The following RFX7 variants were observed in gnomAD, a reference collection of about 807,000 sequenced individuals.
The protein encoded by RFX7 is regulatory factor X7, also known as DNA-binding protein RFX7.
In RFX7, 26 loss-of-function variants were observed where a neutral mutation model predicts 111.8. The ratio of observed to expected loss-of-function variants is 0.23; its 90% CI spans 0.17 to 0.32. The LOEUF (loss-of-function observed/expected upper bound fraction) is 0.32, where lower values mean the gene tolerates loss of function less well. Among genes scored for constraint, RFX7 ranks in the 10% least tolerant of loss-of-function variants. The pLI is 1.00. For synonymous variants in RFX7, 624 were observed against 624.4 expected, an observed-to-expected ratio of 1.00 and a Z score of 0.01; for missense variants, 1,573 against 1,772.9, an observed-to-expected ratio of 0.89 and a Z score of 2.02.
chr15:56,136,917 A>T (rs1442916723), intron 5 of RFX7, among the ~76,000 whole-genome samples: 1 of 147,248 alleles, frequency 6.8e-6, no homozygotes, highest in African/African-American at 2.5e-5. Context: ...GCTGGATTAC[A>T]TTTATTGATT....
At chr15:56,179,546 G>T (rs564640332) in intron 2 of RFX7, among the ~76,000 whole-genome samples, 5 of 151,976 alleles carry the variant, frequency 3.3e-5, no homozygotes, top group African/African-American at 1.2e-4. Flanking sequence ...AGTTTATTTT[G>T]AATAAACAAT....
intron 5 of RFX7, among the ~76,000 whole-genome samples, chr15:56,140,504 G>A (rs1298463172): frequency 6.6e-6 from 1 of 152,204 alleles, no homozygotes; most frequent in African/African-American, 2.4e-5. Flanking sequence ...CCACTGACCT[G>A]CGCCCACTGT....
At chr15:56,228,987 A>C (rs187368514) in intron 2 of RFX7, among the ~76,000 whole-genome samples, 89 of 152,364 alleles carry the variant, frequency 5.8e-4, no homozygotes, top group African/African-American at 2.0e-3. Flanking sequence ...TAGTAAAATA[A>C]GGGTTACTTG....
At chr15:56,183,473 T>C (rs1445288827) in intron 2 of RFX7, among the ~76,000 whole-genome samples, 1 of 152,182 alleles carries the variant, frequency 6.6e-6, no homozygotes, top group Non-Finnish European at 1.5e-5. Flanking sequence ...ATACAGTATA[T>C]ACTACTTCCA....
rs753456670 is a variant in RFX7, at chr15:56,243,203, A to G, written c.83T>C (p.Val28Ala). Residue 28 changes from valine to alanine, a missense_variant, in exon 2 of 10, where the codon GTG becomes GCG. Transcript: ENST00000559447. ...CCCGGGCACAAGGGCTGGCAGGGCC[A>G]CCCCCGAGTTGGGGGCGCTGGGGGG... is the stretch of plus-strand genomic sequence containing the variant. ...QLPPSAPNSGVALPALVPGLP... is the reference protein window; with the variant it reads ...QLPPSAPNSGAALPALVPGLP... The G allele has an allele frequency of 1.5e-6, 2 of 1,326,014 alleles. 1 individual carries two copies. The highest frequency in any genetic ancestry group is 2.4e-5 in the South Asian group (2 of 83,084). 82.1% of individuals were successfully genotyped at this position (1,326,014 alleles called of 1,614,324 possible).
intron 2 of RFX7, among the ~76,000 whole-genome samples, chr15:56,241,320 A>T (rs973392500): frequency 2.6e-5 from 4 of 152,122 alleles, no homozygotes; most frequent in Admixed American, 2.6e-4. Flanking sequence ...CAAAAAGTGC[A>T]CTCGACTATC....
rs62044112 is a variant in RFX7 at position 56,152,023 on chromosome 15, C to T, written c.196-7540G>A. 1.1e-4 allele frequency among the ~76,000 whole-genome samples: 17 copies of T among 152,218 alleles called. No homozygotes were observed. In the South Asian group the frequency reaches 1.5e-3, roughly 13 times the overall value. ...AAGAGCTAACTATCCTAAATATATA[C>T]GCAGCCAATACAGGAGCACCCAGAT... On this transcript the variant is annotated intron_variant, in intron 3 of 9. Transcript: ENST00000559447.
chr15:56,142,016 G>A (rs1222641911), intron 5 of RFX7, among the ~76,000 whole-genome samples: 18 of 151,986 alleles, frequency 1.2e-4, no homozygotes, highest in Admixed American at 1.2e-3. Context: ...GTTAGCAATA[G>A]CACTTATTTG....
At chr15:56,231,593 T>C (rs1331735001) in intron 2 of RFX7, among the ~76,000 whole-genome samples, 1 of 152,080 alleles carries the variant, frequency 6.6e-6, no homozygotes, top group East Asian at 1.9e-4. Context: ...TAAGATAAGA[T>C]TTGGGTGGGG....
chr15:56,216,376 G>T (rs2043362909), intron 2 of RFX7, among the ~76,000 whole-genome samples: 1 of 152,134 alleles, frequency 6.6e-6, no homozygotes, highest in Non-Finnish European at 1.5e-5. Context: ...AGTATTCTTA[G>T]AATGCATCCA....
At chr15:56,126,791 A>G (rs1442407628) in intron 5 of RFX7, among the ~76,000 whole-genome samples, 7 of 152,212 alleles carry the variant, frequency 4.6e-5, no homozygotes, top group African/African-American at 1.7e-4. Context: ...GTTACCAAAG[A>G]TATTAAGATG....
chr15:56,217,662 G>A (rs2043376617), intron 2 of RFX7, among the ~76,000 whole-genome samples: 1 of 152,140 alleles, frequency 6.6e-6, no homozygotes, highest in East Asian at 1.9e-4. Context: ...CATACAACTT[G>A]AGTACTAGTT....
intron 2 of RFX7, among the ~76,000 whole-genome samples, chr15:56,216,046 T>G (rs1032804200): frequency 6.6e-6 from 1 of 152,172 alleles, no homozygotes; most frequent in Non-Finnish European, 1.5e-5. Flanking sequence ...ATGAACTATG[T>G]TCTGAAGTCC....
rs74017496 is a variant in RFX7 at position 56,242,047 on chromosome 15, C to A, written c.161+1078G>T. 5.4e-3 allele frequency among the ~76,000 whole-genome samples: 823 copies of A among 152,210 alleles called. 14 individuals are homozygous for A. Among genetic ancestry groups the A allele is most frequent in the African/African-American group, 0.019 (801 of 41,530 alleles). On this transcript the variant is annotated intron_variant, in intron 2 of 9. Coordinates refer to ENST00000559447, the MANE Select transcript of RFX7 (RefSeq NM_022841.7). Reference sequence around the variant, plus strand: ...TGTTCATGCAACGCCAGTTGCTTTACGATATGTTTTCAAAATGAGAAAATG... The same window carrying A: ...TGTTCATGCAACGCCAGTTGCTTTAAGATATGTTTTCAAAATGAGAAAATG...
In RFX7 at chr15:56,226,622, A is replaced by G. The variant is rs367614751; in HGVS notation, c.161+16503T>C. Among the ~76,000 whole-genome samples the G allele has an allele frequency of 1.3e-5, 2 of 152,306 alleles. 1 individual carries two copies. On this transcript the variant is annotated intron_variant, in intron 2 of 9. Transcript: ENST00000559447. ...TAAAAGGAGCTGAGAAAGAAAACCCAGGCTTAAATGGGCTAGAAGCAAAGA... is the reference window on the plus strand; with the variant it reads ...TAAAAGGAGCTGAGAAAGAAAACCCGGGCTTAAATGGGCTAGAAGCAAAGA...
chr15:56,108,472 C>T (rs895537635), intron 5 of RFX7, among the ~76,000 whole-genome samples: 4 of 152,160 alleles, frequency 2.6e-5, no homozygotes, highest in Admixed American at 6.5e-5. Flanking sequence ...TCAATAAATG[C>T]AGAAAAGGCC....
At chr15:56,112,381 A>AAAAAAAAAAAAAAAAAAAAAAAC (rs2041951564) in intron 5 of RFX7, among the ~76,000 whole-genome samples, 5 of 3,294 alleles carry the variant, frequency 1.5e-3, no homozygotes, top group East Asian at 0.02. Context: ...GTACAAATCA[A>AAAAAAAAAAAAAAAAAAAAAAAC]AAAAAAAAAA....
In RFX7 at chr15:56,135,260, A is replaced by G. The variant is rs1422968870; in HGVS notation, c.401+7518T>C. Among the ~76,000 whole-genome samples, 4 of 151,316 alleles carry G rather than the reference A, an allele frequency of 2.6e-5. No individual in the cohort carries two copies. In the East Asian group the frequency reaches 7.7e-4, roughly 29 times the overall value. ...TGTAAAAGTGTTCCTATTTCTCCAC[A>G]TCCTCTCCAGCACCTGTTGTTTCCT... On this transcript the variant is annotated intron_variant, in intron 5 of 9. Coordinates refer to ENST00000559447, the MANE Select transcript of RFX7 (RefSeq NM_022841.7).
chr15:56,186,607 A>G (rs1269573430), intron 2 of RFX7, among the ~76,000 whole-genome samples: 4 of 152,100 alleles, frequency 2.6e-5, no homozygotes, highest in Non-Finnish European at 5.9e-5. Flanking sequence ...TACATATACT[A>G]TATGTATACC....
Sources: allele counts gnomAD v4.1 joint callset (sites outside exome capture counted in the v4.1 genomes callset), GRCh38; gene constraint gnomAD v4.1.1; transcripts MANE v1.5; gene names NCBI Gene and HGNC (gene_info 2026-07-23, HGNC 2026-07-21).